Variants in ACTR2 observed in about 807,000 individuals in gnomAD.
The protein encoded by ACTR2 is actin related protein 2, also known as actin-related protein 2.
A neutral mutation model predicts 50.2 loss-of-function variants in ACTR2; 5 were observed. The ratio of observed to expected loss-of-function variants is 0.10; its 90% CI spans 0.05 to 0.21. The LOEUF (loss-of-function observed/expected upper bound fraction) is 0.21. Among genes scored for constraint, ACTR2 ranks in the 10% least tolerant of loss-of-function variants. ACTR2 has a pLI of 1.00. For missense variants in ACTR2, 180 were observed against 480.6 expected, an observed-to-expected ratio of 0.37 and a Z score of 5.85; for synonymous variants, 140 against 162.9, an observed-to-expected ratio of 0.86 and a Z score of 1.07.
chr2:65,255,937 C>G (rs980621331), intron 6 of ACTR2, among the ~76,000 whole-genome samples: 1 of 152,028 alleles, frequency 6.6e-6, no homozygotes, highest in Admixed American at 6.6e-5. Context: ...TAATTAGATG[C>G]GAGATGTTAT....
At chr2:65,263,909 G>T (rs183690855) in intron 7 of ACTR2, among the ~76,000 whole-genome samples, 1 of 152,256 alleles carries the variant, frequency 6.6e-6, no homozygotes, top group East Asian at 1.9e-4. Context: ...CAAAAAATTA[G>T]CTGGGTGTGG....
At chr2:65,236,461 T>G (rs1671741153) in intron 1 of ACTR2, among the ~76,000 whole-genome samples, 1 of 152,216 alleles carries the variant, frequency 6.6e-6, no homozygotes, top group Middle Eastern at 3.4e-3. Flanking sequence ...AATACCAAAT[T>G]TTTATGTTTT....
At chr2:65,243,800 C>G (rs749863662) in intron 2 of ACTR2, among the ~76,000 whole-genome samples, 1 of 152,060 alleles carries the variant, frequency 6.6e-6, no homozygotes, top group Non-Finnish European at 1.5e-5. Context: ...GTATAAATAC[C>G]TTTGAAACAG....
At chr2:65,263,766 G>A (rs1010638670) in intron 7 of ACTR2, among the ~76,000 whole-genome samples, 1 of 152,166 alleles carries the variant, frequency 6.6e-6, no homozygotes, top group Non-Finnish European at 1.5e-5. Context: ...CCAGCTGGGC[G>A]CGGTGGCTCA....
intron 1 of ACTR2, among the ~76,000 whole-genome samples, chr2:65,230,564 A>G (rs543393447): frequency 6.8e-4 from 103 of 151,828 alleles, no homozygotes; most frequent in African/African-American, 2.5e-3. Flanking sequence ...GGCTTGTGCC[A>G]CCACACCCAG....
chr2:65,230,403 ATTTTTTTTTTTTTTTTT>A (rs11299935), intron 1 of ACTR2, among the ~76,000 whole-genome samples: 4 of 78,174 alleles, frequency 5.1e-5, no homozygotes, highest in Admixed American at 1.6e-4. Flanking sequence ...ACCGAAGCTG[ATTTTTTTTTTTTTTTTT>A]TTTTTTTTGG....
In ACTR2 at chr2:65,253,654, A is replaced by G. The variant is rs1022529652; in HGVS notation, c.449-74A>G. 13 of 1,496,028 alleles carry G rather than the reference A, an allele frequency of 8.7e-6. No homozygotes were observed. The African/African-American group carries it at 1.3e-4, about 15-fold the overall frequency. 92.7% of individuals were successfully genotyped at this position (1,496,028 alleles called of 1,614,324 possible). ...GTTACGTTTCTGTTTTGGCTTCCCT[A>G]CTGTATTTGGAACTCGCTGGCTTTG... On this transcript the variant is annotated intron_variant, in intron 4 of 8. Coordinates refer to ENST00000260641, the MANE Select transcript of ACTR2 (RefSeq NM_005722.4).
chr2:65,230,514 C>T (rs1477250230), intron 1 of ACTR2, among the ~76,000 whole-genome samples: 2 of 149,202 alleles, frequency 1.3e-5, no homozygotes, highest in African/African-American at 2.5e-5. Flanking sequence ...TGGGCTCAAG[C>T]GGTTCTCCTG....
At chr2:65,256,493 C>A (rs562758992) in intron 6 of ACTR2, among the ~76,000 whole-genome samples, 53 of 152,196 alleles carry the variant, frequency 3.5e-4, no homozygotes, top group South Asian at 2.1e-3. Flanking sequence ...GCAATGAAGG[C>A]AAGTATTTTA....
chr2:65,229,263 C>G (rs527818705), intron 1 of ACTR2, among the ~76,000 whole-genome samples: 1 of 152,062 alleles, frequency 6.6e-6, no homozygotes, highest in Non-Finnish European at 1.5e-5. Context: ...CCCCTCCCTC[C>G]CATAAATATG....
intron 2 of ACTR2, among the ~76,000 whole-genome samples, chr2:65,240,743 A>G (rs898637454): frequency 2.0e-5 from 3 of 152,190 alleles, no homozygotes; most frequent in Admixed American, 1.3e-4. Context: ...ATGCCATAGA[A>G]TTTAGGGTCT....
chr2:65,236,494 T>C (rs1437621614), intron 1 of ACTR2, among the ~76,000 whole-genome samples: 1 of 152,250 alleles, frequency 6.6e-6, no homozygotes. Context: ...AAGATCTTGC[T>C]AAGTTTTACC....
intron 3 of ACTR2, among the ~76,000 whole-genome samples, chr2:65,250,313 G>T (rs1432895130): frequency 6.7e-6 from 1 of 148,522 alleles, no homozygotes; most frequent in Non-Finnish European, 1.5e-5. Flanking sequence ...GCAGTGAGCT[G>T]AGATGGCACC....
intron 1 of ACTR2, 129 bp downstream of exon 1, chr2:65,228,086 C>G: frequency 3.6e-6 from 3 of 829,800 alleles, no homozygotes; most frequent in Middle Eastern, 8.0e-4. Context: ...GGCGGTGCCT[C>G]CCACCTCCGC....
At chr2:65,228,753 C>G (rs1341526420) in intron 1 of ACTR2, among the ~76,000 whole-genome samples, 1 of 152,140 alleles carries the variant, frequency 6.6e-6, no homozygotes, top group African/African-American at 2.4e-5. Context: ...TAATGTTAGC[C>G]TTTAAGATTC....
chr2:65,263,377 A>C (rs964840669), intron 7 of ACTR2, among the ~76,000 whole-genome samples: 1 of 150,734 alleles, frequency 6.6e-6, no homozygotes, highest in Non-Finnish European at 1.5e-5. Context: ...GCCATGCAAA[A>C]GTTTGTTTTT....
intron 3 of ACTR2, among the ~76,000 whole-genome samples, chr2:65,248,358 C>G (rs1338463550): frequency 2.0e-5 from 3 of 152,008 alleles, no homozygotes; most frequent in Admixed American, 6.6e-5. Context: ...CGAGATTACA[C>G]CACTGCATTC....
intron 1 of ACTR2, 143 bp downstream of exon 1, chr2:65,228,100 C>G (rs1671561653): frequency 2.9e-6 from 2 of 695,174 alleles, no homozygotes; most frequent in African/African-American, 1.9e-5. Flanking sequence ...CCTCCGCGGG[C>G]GTGGGAGCGA....
In ACTR2 at chr2:65,227,924, C is replaced by A; in HGVS notation, c.15C>A (p.Gly5=). The change falls in exon 1 of 9, where the codon GGC becomes GGA. Residue 5 remains glycine (G), a synonymous_variant. Transcript: ENST00000260641. ...CTGGGCGGACGATGGACAGCCAGGG[C>A]AGGAAGGTGGTGGTGTGCGACAACG... The part of the protein sequence containing the change: MDSQ[G]RKVVVCDNGT... The A allele has an allele frequency of 6.6e-7, 1 of 1,525,998 alleles. No individual in the cohort carries two copies. Among genetic ancestry groups the A allele is most frequent in the South Asian group, 1.2e-5 (1 of 82,176 alleles). 94.5% of individuals were successfully genotyped at this position (1,525,998 alleles called of 1,614,324 possible). A position where few individuals can be genotyped will look rare whatever the true frequency, so the allele number is the denominator to read the frequency against.
Sources: allele counts gnomAD v4.1 joint callset (sites outside exome capture counted in the v4.1 genomes callset), GRCh38; gene constraint gnomAD v4.1.1; transcripts MANE v1.5; gene names NCBI Gene and HGNC (gene_info 2026-07-23, HGNC 2026-07-21).